The following PDZD2 variants were observed in gnomAD, a reference collection of about 807,000 sequenced individuals.
The protein encoded by PDZD2 is PDZ domain containing 2.
A neutral mutation model predicts 220.7 loss-of-function variants in PDZD2; 90 were observed. That is an observed-to-expected ratio of 0.41 (90% CI 0.34 to 0.49). The LOEUF is 0.49. PDZD2 is among the 20% of genes least tolerant of loss of function. The pLI is 0.28. For synonymous variants in PDZD2, 1,375 were observed against 1,450.5 expected, an observed-to-expected ratio of 0.95 and a Z score of 1.18; for missense variants, 3,174 against 3,608.5, an observed-to-expected ratio of 0.88 and a Z score of 3.08.
At chr5:32,069,126 C>T (rs1233677509) in intron 14 of PDZD2, among the ~76,000 whole-genome samples, 2 of 151,786 alleles carry the variant, frequency 1.3e-5, no homozygotes, top group African/African-American at 2.4e-5. Context: ...ATTAGCCAGG[C>T]GTGGTGGTGC....
At chr5:31,894,565 T>G (rs1049959499) in intron 2 of PDZD2, among the ~76,000 whole-genome samples, 1 of 152,200 alleles carries the variant, frequency 6.6e-6, no homozygotes, top group Non-Finnish European at 1.5e-5. Flanking sequence ...CACCACTCAG[T>G]ACATACCAAG....
intron 14 of PDZD2, 72 bp from the exon 15 acceptor site, chr5:32,069,497 G>C (rs1466600373): frequency 4.6e-6 from 4 of 862,254 alleles, no homozygotes; most frequent in Non-Finnish European, 8.0e-6. Flanking sequence ...CTCTGACTCT[G>C]GTCCTAGGTA....
rs76314660 is a variant in PDZD2 at position 32,079,031 on chromosome 5, G to A, written c.3682+1425G>A. Among the ~76,000 whole-genome samples the A allele has an allele frequency of 3.5e-3, 527 of 151,902 alleles. 25 individuals carry two copies. In the East Asian group the frequency reaches 0.088, roughly 25 times the overall value. On this transcript the variant is annotated intron_variant, in intron 19 of 24. Coordinates refer to ENST00000438447, the MANE Select transcript of PDZD2 (RefSeq NM_178140.4). Reference sequence around the variant, plus strand: ...CCCAGCACTTTGGGATGCCAAGGGGGGGCCGATCACTTGAGGTCAGGAGTT... The same window carrying A: ...CCCAGCACTTTGGGATGCCAAGGGGAGGCCGATCACTTGAGGTCAGGAGTT...
At chr5:31,754,610 AGCCAGTAGAGCAT>A (rs1221301578) in intron 1 of PDZD2, 3 of 152,122 alleles carry the variant, frequency 2.0e-5, no homozygotes, top group Admixed American at 1.3e-4. Context: ...TTTTTCTTAC[AGCCAGTAGAGCAT>A]GCCTTTAAAA....
At chr5:32,012,410 G>T (rs1434086961) in intron 6 of PDZD2, among the ~76,000 whole-genome samples, 1 of 152,076 alleles carries the variant, frequency 6.6e-6, no homozygotes, top group Non-Finnish European at 1.5e-5. Flanking sequence ...TAGAGACGGA[G>T]TCTTGCTCTG....
At chr5:31,680,854 C>T (rs1468854306) in intron 1 of PDZD2, among the ~76,000 whole-genome samples, 1 of 152,144 alleles carries the variant, frequency 6.6e-6, no homozygotes, top group East Asian at 1.9e-4. Context: ...GCAGCTTTTT[C>T]CCTGCAGCTC....
chr5:31,936,194 G>A (rs1040284348), intron 2 of PDZD2: 3 of 987,692 alleles, frequency 3.0e-6, no homozygotes, highest in African/African-American at 3.5e-5. Context: ...CACGCATGGC[G>A]CAGCTTGTAT....
At chr5:31,779,969 C>G (rs1752961090) in intron 1 of PDZD2, among the ~76,000 whole-genome samples, 1 of 152,124 alleles carries the variant, frequency 6.6e-6, no homozygotes, top group African/African-American at 2.4e-5. Context: ...TGTGTCTTCG[C>G]TAGAGGATTG....
intron 6 of PDZD2, among the ~76,000 whole-genome samples, chr5:32,015,180 G>T (rs928454172): frequency 2.6e-5 from 4 of 151,974 alleles, no homozygotes; most frequent in African/African-American, 7.2e-5. Context: ...GACCTCAGGT[G>T]ATCTGCCCGC....
At chr5:32,092,146 C>T (rs562329353) in intron 20 of PDZD2, among the ~76,000 whole-genome samples, 55 of 150,932 alleles carry the variant, frequency 3.6e-4, no homozygotes, top group Non-Finnish European at 5.6e-4. Context: ...TGGTGGCAGG[C>T]GCCTGTAATC....
chr5:31,677,829 G>C (rs1195367484), intron 1 of PDZD2, among the ~76,000 whole-genome samples: 4 of 152,018 alleles, frequency 2.6e-5, no homozygotes, highest in Non-Finnish European at 4.4e-5. Flanking sequence ...CTGATCTTTA[G>C]GGGTAGAAAG....
chr5:31,823,337 G>A (rs1275155669), intron 2 of PDZD2, among the ~76,000 whole-genome samples: 1 of 151,872 alleles, frequency 6.6e-6, no homozygotes, highest in Non-Finnish European at 1.5e-5. Flanking sequence ...GTATGGTGGC[G>A]TGCACCTGTA....
At chr5:32,011,020 AAAC>A (rs200426487) in intron 6 of PDZD2, among the ~76,000 whole-genome samples, 144 of 142,980 alleles carry the variant, frequency 1.0e-3, no homozygotes, top group Middle Eastern at 3.6e-3. Flanking sequence ...AAAAAAAAAA[AAAC>A]AACAACAACA....
At position 32,110,088 on chromosome 5, in the gene PDZD2, TTCTGCTTTC is replaced by T. The variant is rs1745234753; in HGVS notation, c.*1955_*1963del. ...CAGTCTCTGGGGTCAGTTTTGTGGT[TTCTGCTTTC>T]TTGCCTAAATCAAAGACTATTTCAA... is the stretch of plus-strand genomic sequence containing the variant. On this transcript the variant is annotated 3_prime_UTR_variant, in exon 25 of 25. Transcript: ENST00000438447. 1.3e-5 allele frequency: 2 copies of T among 152,646 alleles called. No individual in the cohort carries two copies. Among genetic ancestry groups the T allele is most frequent in the African/African-American group, 4.8e-5 (2 of 41,450 alleles). 9.5% of individuals were successfully genotyped at this position (152,646 alleles called of 1,614,324 possible).
At chr5:31,804,934 C>T (rs1028313141) in intron 2 of PDZD2, among the ~76,000 whole-genome samples, 1 of 152,236 alleles carries the variant, frequency 6.6e-6, no homozygotes, top group South Asian at 2.1e-4. Context: ...TGGCTCATGC[C>T]TATAATCCCA....
At chr5:31,926,883 A>G (rs1030771262) in intron 2 of PDZD2, among the ~76,000 whole-genome samples, 2 of 152,222 alleles carry the variant, frequency 1.3e-5, no homozygotes, top group Admixed American at 1.3e-4. Flanking sequence ...GAAATACGAC[A>G]CAGTCATAAA....
chr5:31,889,037 G>A (rs971578644), intron 2 of PDZD2, among the ~76,000 whole-genome samples: 4 of 152,038 alleles, frequency 2.6e-5, no homozygotes, highest in African/African-American at 9.7e-5. Flanking sequence ...TATCACGTAT[G>A]TTTTGCGGGT....
chr5:31,912,186 A>T (rs777805322), intron 2 of PDZD2, among the ~76,000 whole-genome samples: 3 of 152,190 alleles, frequency 2.0e-5, no homozygotes, highest in Non-Finnish European at 2.9e-5. Flanking sequence ...GAGGCTGGGA[A>T]GTCCAAGATC....
Position 32,057,804 on chromosome 5 carries a change from G to GTT in PDZD2, c.1975-63_1975-62dup, listed in dbSNP as rs796793641. ...CCTTCTGGCTTGGGTTTGGTGAGTT[G>GTT]TTTTTTTTTTTTAACCCTTTGATAT... is the stretch of plus-strand genomic sequence containing the variant. On this transcript the variant is annotated intron_variant, in intron 11 of 24. Transcript: ENST00000438447. 8.3e-3 allele frequency: 9,052 copies of GTT among 1,091,408 alleles called. 342 individuals are homozygous for GTT. The African/African-American group carries it at 0.13, about 15-fold the overall frequency. The allele number at this position is 1,091,408 out of a possible 1,614,324, so 67.6% of individuals were successfully genotyped here. A position where few individuals can be genotyped will look rare whatever the true frequency, so the allele number is the denominator to read the frequency against.
Sources: allele counts gnomAD v4.1 joint callset (sites outside exome capture counted in the v4.1 genomes callset), GRCh38; gene constraint gnomAD v4.1.1; transcripts MANE v1.5; gene names NCBI Gene and HGNC (gene_info 2026-07-23, HGNC 2026-07-21).